The following LRRIQ3 variants were observed in gnomAD, a reference collection of about 807,000 sequenced individuals.
LRRIQ3 encodes the protein leucine rich repeats and IQ motif containing 3, also known as leucine-rich repeat and IQ domain-containing protein 3.
Under a neutral mutation model 59.3 loss-of-function variants are expected in LRRIQ3, and 75 were observed. That is an observed-to-expected ratio of 1.26 (90% CI 1.05 to 1.53). The LOEUF (loss-of-function observed/expected upper bound fraction) is 1.53, where lower values mean the gene tolerates loss of function less well. Among genes scored for constraint, LRRIQ3 ranks in the 40% most tolerant of loss-of-function variants. The probability of loss-of-function intolerance (pLI) is 0.00; values close to 1 mark genes in which losing one functional copy is unlikely to be tolerated. For missense variants in LRRIQ3, 831 were observed against 710.0 expected, an observed-to-expected ratio of 1.17 and a Z score of -1.94; for synonymous variants, 250 against 231.3, an observed-to-expected ratio of 1.08 and a Z score of -0.73.
At chr1:74,170,124 A>T (rs533784046) in intron 3 of LRRIQ3, among the ~76,000 whole-genome samples, 1 of 152,180 alleles carries the variant, frequency 6.6e-6, no homozygotes, top group South Asian at 2.1e-4. Flanking sequence ...CTAGTCTATA[A>T]GTTGCCATTT....
At chr1:74,089,009 TAG>T (rs1225075864) in intron 5 of LRRIQ3, among the ~76,000 whole-genome samples, 2 of 152,002 alleles carry the variant, frequency 1.3e-5, no homozygotes, top group Non-Finnish European at 2.9e-5. Flanking sequence ...AGGATTTAAA[TAG>T]ACAGTTCTCC....
intron 6 of LRRIQ3, among the ~76,000 whole-genome samples, chr1:74,064,219 G>A (rs1654809070): frequency 6.6e-6 from 1 of 151,732 alleles, no homozygotes; most frequent in African/African-American, 2.4e-5. Flanking sequence ...TAGTCATAGA[G>A]CTTGTTATTA....
At chr1:74,168,117 G>A (rs926705259) in intron 3 of LRRIQ3, among the ~76,000 whole-genome samples, 2 of 151,836 alleles carry the variant, frequency 1.3e-5, no homozygotes, top group African/African-American at 2.4e-5. Flanking sequence ...TAGGGTGCTC[G>A]TATTTTCTAT....
chr1:74,054,618 AAG>A (rs1479169846), intron 6 of LRRIQ3, among the ~76,000 whole-genome samples: 7 of 151,868 alleles, frequency 4.6e-5, no homozygotes, highest in Non-Finnish European at 2.9e-5. Flanking sequence ...TGGATAATGA[AAG>A]AGGTTCTGCG....
In LRRIQ3 at chr1:74,145,100, A is replaced by G. The variant is rs530333271; in HGVS notation, c.707+10633T>C. ...AAATCCTTCCATTTTGGGTACCTCTACTAATGTTGTTATCACTAGCGTATG... is the reference window on the plus strand; with the variant it reads ...AAATCCTTCCATTTTGGGTACCTCTGCTAATGTTGTTATCACTAGCGTATG... On this transcript the variant is annotated intron_variant, in intron 4 of 7. Coordinates refer to ENST00000354431, the MANE Select transcript of LRRIQ3 (RefSeq NM_001105659.2). Among the ~76,000 whole-genome samples, 7 of 152,246 alleles carry G rather than the reference A, an allele frequency of 4.6e-5. No homozygotes were observed. In the East Asian group the frequency reaches 1.3e-3, roughly 29 times the overall value.
At chr1:74,042,788 C>T (rs997708596) in intron 6 of LRRIQ3, among the ~76,000 whole-genome samples, 8 of 151,974 alleles carry the variant, frequency 5.3e-5, no homozygotes, top group African/African-American at 1.4e-4. Context: ...TTTGTGTGAC[C>T]ATGGGCTAAG....
At chr1:74,040,508 G>A (rs1376926851) in intron 7 of LRRIQ3, among the ~76,000 whole-genome samples, 2 of 152,058 alleles carry the variant, frequency 1.3e-5, no homozygotes, top group African/African-American at 2.4e-5. Context: ...GTGCCACATG[G>A]CACTTATTCT....
chr1:74,193,306 G>T (rs768327823), intron 1 of LRRIQ3, among the ~76,000 whole-genome samples: 8 of 152,086 alleles, frequency 5.3e-5, no homozygotes, highest in Non-Finnish European at 1.2e-4. Context: ...CAGTTTCAAA[G>T]AAATTCTGCA....
At chr1:74,180,514 A>G (rs1369067368) in intron 3 of LRRIQ3, 1 of 467,586 alleles carries the variant, frequency 2.1e-6, no homozygotes, top group African/African-American at 2.0e-5. Context: ...TCTTTTCACC[A>G]AAAGTCTTTA....
intron 5 of LRRIQ3, among the ~76,000 whole-genome samples, chr1:74,093,575 C>T (rs888015708): frequency 3.9e-5 from 6 of 151,976 alleles, no homozygotes; most frequent in African/African-American, 7.2e-5. Flanking sequence ...ACCAATATAA[C>T]GATTGGAATT....
rs996315283 is a variant in LRRIQ3, at chr1:74,198,034, A to T, written c.-39T>A. ...CTGCAAGCCCTTATGAGTTGGAGAC[A>T]AGTGGCCCAGCCCCAACACAGTCAG... On this transcript the variant is annotated 5_prime_UTR_variant, in exon 1 of 8. Coordinates refer to ENST00000354431, the MANE Select transcript of LRRIQ3 (RefSeq NM_001105659.2). 6.0e-5 allele frequency: 44 copies of T among 737,564 alleles called. No individual in the cohort carries two copies. The highest frequency in any genetic ancestry group is 4.8e-5 in the Non-Finnish European group (23 of 480,670). The allele number at this position is 737,564 out of a possible 1,614,324, so 45.7% of individuals were successfully genotyped here.
intron 5 of LRRIQ3, among the ~76,000 whole-genome samples, chr1:74,086,155 T>C (rs1416854960): frequency 6.6e-6 from 1 of 152,028 alleles, no homozygotes; most frequent in African/African-American, 2.4e-5. Flanking sequence ...GGTAGTTAGG[T>C]TTTTACCTCA....
chr1:74,045,034 T>A (rs543079010), intron 6 of LRRIQ3, among the ~76,000 whole-genome samples: 35 of 152,142 alleles, frequency 2.3e-4, no homozygotes, highest in African/African-American at 8.4e-4. Flanking sequence ...CTAGAGGTAC[T>A]AAGAGGAGCT....
chr1:74,038,422 T>A (rs1266361915), intron 7 of LRRIQ3, among the ~76,000 whole-genome samples: 1 of 152,014 alleles, frequency 6.6e-6, no homozygotes, highest in Non-Finnish European at 1.5e-5. Flanking sequence ...GACAAGTGGG[T>A]TTCCCCCCCA....
chr1:74,087,965 C>T (rs145514075), intron 5 of LRRIQ3, among the ~76,000 whole-genome samples: 1,572 of 151,810 alleles, frequency 0.01, 15 homozygotes, highest in Non-Finnish European at 0.016. Context: ...GGTGTGATGG[C>T]GCCTGTAGTC....
intron 6 of LRRIQ3, among the ~76,000 whole-genome samples, chr1:74,056,222 C>T (rs1378642589): frequency 6.6e-6 from 1 of 151,630 alleles, no homozygotes; most frequent in Non-Finnish European, 1.5e-5. Flanking sequence ...GAACATACTT[C>T]AACACAGTAA....
chr1:74,157,942 G>A (rs1648439533), intron 3 of LRRIQ3, among the ~76,000 whole-genome samples: 2 of 151,888 alleles, frequency 1.3e-5, no homozygotes, highest in African/African-American at 4.8e-5. Flanking sequence ...TCCCAAATAT[G>A]AATTTTCTTT....
In LRRIQ3 at chr1:74,039,815, C is replaced by T. The variant is rs1262075351; in HGVS notation, c.1718+1398G>A. ...TAAACATGGAAAGGAAAAACCGGTA[C>T]CAGCCACTGCAAAAACACACCAAAA... On this transcript the variant is annotated intron_variant, in intron 7 of 7. Transcript: ENST00000354431. Among the ~76,000 whole-genome samples, 5 of 152,238 alleles carry T rather than the reference C, an allele frequency of 3.3e-5. No homozygotes were observed. In the East Asian group the frequency reaches 9.7e-4, roughly 29 times the overall value.
chr1:74,158,635 T>C (rs578057024), intron 3 of LRRIQ3, among the ~76,000 whole-genome samples: 8 of 152,230 alleles, frequency 5.3e-5, no homozygotes, highest in African/African-American at 1.9e-4. Context: ...CTCGACAATG[T>C]TGAGTTTTAC....
Sources: gnomAD v4.1 joint callset for allele counts (sites outside exome capture counted in the v4.1 genomes callset) on GRCh38, gnomAD v4.1.1 for gene constraint, MANE v1.5 for transcripts, NCBI Gene and HGNC (gene_info 2026-07-23, HGNC 2026-07-21) for gene names.